The following DLAT variants were observed in gnomAD, a reference collection of about 807,000 sequenced individuals.
DLAT encodes dihydrolipoamide S-acetyltransferase, also known as dihydrolipoyllysine-residue acetyltransferase component of pyruvate dehydrogenase complex, mitochondrial.
Under a neutral mutation model 68.0 loss-of-function variants are expected in DLAT, and 43 were observed. The ratio of observed to expected loss-of-function variants is 0.63; its 90% CI spans 0.50 to 0.81. The LOEUF (loss-of-function observed/expected upper bound fraction) is 0.81, where lower values mean the gene tolerates loss of function less well. Among genes scored for constraint, DLAT ranks in the 40% least tolerant of loss-of-function variants. The probability of loss-of-function intolerance (pLI) is 0.00; values close to 1 mark genes in which losing one functional copy is unlikely to be tolerated. For missense variants in DLAT, 745 were observed against 815.4 expected, an observed-to-expected ratio of 0.91 and a Z score of 1.05; for synonymous variants, 265 against 288.6, an observed-to-expected ratio of 0.92 and a Z score of 0.83.
At chr11:112,058,788 T>C (rs1592726110) in intron 11 of DLAT, among the ~76,000 whole-genome samples, 1 of 152,256 alleles carries the variant, frequency 6.6e-6, no homozygotes, top group East Asian at 1.9e-4. Flanking sequence ...CAAAATGTTA[T>C]TTTGTTCATC....
At chr11:112,025,976 C>T (rs868949769) in intron 1 of DLAT, among the ~76,000 whole-genome samples, 5 of 152,144 alleles carry the variant, frequency 3.3e-5, no homozygotes, top group Non-Finnish European at 2.9e-5. Flanking sequence ...GAATATCTGC[C>T]GAGGTTCATG....
rs78320677 is a variant in DLAT at position 112,039,259 on chromosome 11, C to G, written c.991C>G (p.Pro331Ala). 9.3e-5 allele frequency: 150 copies of G among 1,614,034 alleles called. No homozygotes were observed. In the East Asian group the frequency reaches 3.3e-3, roughly 35 times the overall value. Residue 331 changes from proline (P) to alanine (A), a missense_variant, in exon 7 of 14, where the codon CCA becomes GCA. Coordinates refer to ENST00000280346, the MANE Select transcript of DLAT (RefSeq NM_001931.5). The part of the protein sequence containing the change: ...PTPPPVAAVP[P>A]TPQPLAPTPS... ...TTTTCAAAAGGTGGCCGCTGTTCCT[C>G]CAACTCCCCAGCCTTTAGCTCCTAC... is the stretch of plus-strand genomic sequence containing the variant.
Position 112,037,266 on chromosome 11 carries a change from A to G in DLAT, c.788-7A>G, listed in dbSNP as rs376731447. On this transcript the variant is annotated splice_region_variant and splice_polypyrimidine_tract_variant and intron_variant, in intron 5 of 13. Transcript: ENST00000280346. ...AAGTCCCATAATGTTTTTTCTTTCT[A>G]TTTAAGGTTTTGAAGTACAGGAAGA... The G allele has an allele frequency of 9.9e-6, 16 of 1,613,392 alleles. No homozygotes were observed. The highest frequency in any genetic ancestry group is 1.4e-5 in the Non-Finnish European group (16 of 1,179,496).
At chr11:112,032,149 T>C (rs1276225373) in intron 4 of DLAT, among the ~76,000 whole-genome samples, 1 of 151,830 alleles carries the variant, frequency 6.6e-6, no homozygotes, top group African/African-American at 2.4e-5. Flanking sequence ...ATCCTTGGCC[T>C]CCCAAAGTGC....
chr11:112,041,166 T>C (rs1555180993), intron 7 of DLAT, among the ~76,000 whole-genome samples: 1 of 152,232 alleles, frequency 6.6e-6, no homozygotes, highest in Non-Finnish European at 1.5e-5. Context: ...CAGCTCTTTA[T>C]ACTAGCTGTG....
intron 11 of DLAT, among the ~76,000 whole-genome samples, chr11:112,052,014 G>C (rs1163579753): frequency 1.3e-5 from 2 of 152,274 alleles, no homozygotes; most frequent in African/African-American, 4.8e-5. Context: ...CAGACTCCGT[G>C]AGTTAAGTAA....
intron 13 of DLAT, among the ~76,000 whole-genome samples, chr11:112,061,959 C>G (rs184804367): frequency 6.6e-6 from 1 of 151,966 alleles, no homozygotes; most frequent in Non-Finnish European, 1.5e-5. Flanking sequence ...ATAAAAAATA[C>G]GAAATTCTTC....
rs587621837 is a variant in DLAT at position 112,061,572 on chromosome 11, G to GT, written c.1814+406dup. 47 of 195,144 alleles carry GT rather than the reference G, an allele frequency of 2.4e-4. No homozygotes were observed. The South Asian group carries it at 2.6e-3, about 11-fold the overall frequency. 12.1% of individuals were successfully genotyped at this position (195,144 alleles called of 1,614,324 possible). ...ACCATACCTGTTTTTGAGTATCAGTGTTTTTTTTGTTTGTTTGTTTGAGAT... is the reference window on the plus strand; with the variant it reads ...ACCATACCTGTTTTTGAGTATCAGTGTTTTTTTTTGTTTGTTTGTTTGAGAT... On this transcript the variant is annotated intron_variant, in intron 13 of 13. Coordinates refer to ENST00000280346, the MANE Select transcript of DLAT (RefSeq NM_001931.5).
Position 112,051,214 on chromosome 11 carries a change from A to C in DLAT, c.1399-20A>C, listed in dbSNP as rs782538910. Reference sequence around the variant, plus strand: ...TTAAAATTAAAAAAGAAGAAACTACAGTTCTTCTTGTCTTTCCAGATATTA... The same window carrying C: ...TTAAAATTAAAAAAGAAGAAACTACCGTTCTTCTTGTCTTTCCAGATATTA... On this transcript the variant is annotated intron_variant, in intron 10 of 13. Coordinates refer to ENST00000280346, the MANE Select transcript of DLAT (RefSeq NM_001931.5). The surrounding 1 kb of genome is among the most constrained non-coding windows in gnomAD (Gnocchi z 4.3). 2.7e-6 allele frequency: 4 copies of C among 1,456,000 alleles called. No individual in the cohort carries two copies. The highest frequency in any genetic ancestry group is 3.8e-6 in the Non-Finnish European group (4 of 1,043,876). 90.2% of individuals were successfully genotyped at this position (1,456,000 alleles called of 1,614,324 possible). A position where few individuals can be genotyped will look rare whatever the true frequency, so the allele number is the denominator to read the frequency against.
intron 6 of DLAT, among the ~76,000 whole-genome samples, 191 bp from the exon 7 acceptor site, chr11:112,039,053 G>T (rs1862919537): frequency 6.6e-6 from 1 of 152,064 alleles, no homozygotes; most frequent in East Asian, 1.9e-4. Flanking sequence ...GAAGTATATT[G>T]TTCTCGCTGT....
chr11:112,056,204 G>A (rs1210315401), intron 11 of DLAT, among the ~76,000 whole-genome samples: 2 of 151,938 alleles, frequency 1.3e-5, no homozygotes, highest in Admixed American at 6.6e-5. Flanking sequence ...GCCATTTTAC[G>A]TATCATAAAA....
chr11:112,060,890 G>T, intron 12 of DLAT, 148 bp from the exon 13 acceptor site: 2 of 652,502 alleles, frequency 3.1e-6, no homozygotes, highest in South Asian at 1.9e-5. Context: ...TATTGTAATG[G>T]TTGTATATCT....
At chr11:112,057,960 AGT>A (rs1864203124) in intron 11 of DLAT, among the ~76,000 whole-genome samples, 1 of 152,234 alleles carries the variant, frequency 6.6e-6, no homozygotes, top group Non-Finnish European at 1.5e-5. Flanking sequence ...AGTAGACAAC[AGT>A]GTAGTGTTAA....
At chr11:112,055,381 C>G (rs1160775835) in intron 11 of DLAT, among the ~76,000 whole-genome samples, 1 of 151,490 alleles carries the variant, frequency 6.6e-6, no homozygotes, top group Non-Finnish European at 1.5e-5. Flanking sequence ...GTAGCTGGGA[C>G]TACAGGTGTG....
chr11:112,062,701 C>A lies in DLAT; in HGVS notation c.*166C>A, dbSNP rs1864712504. On this transcript the variant is annotated 3_prime_UTR_variant, in exon 14 of 14. Transcript: ENST00000280346. ...TGGGCATTACTGAATTTTTAAAATGCCGATTACACCCAAATATTGTGCACA... is the reference window on the plus strand; with the variant it reads ...TGGGCATTACTGAATTTTTAAAATGACGATTACACCCAAATATTGTGCACA... 3 of 738,958 alleles carry A rather than the reference C, an allele frequency of 4.1e-6. No individual in the cohort carries two copies. Among genetic ancestry groups the A allele is most frequent in the African/African-American group, 1.8e-5 (1 of 56,422 alleles). The allele number at this position is 738,958 out of a possible 1,614,324, so 45.8% of individuals were successfully genotyped here. A position where few individuals can be genotyped will look rare whatever the true frequency, so the allele number is the denominator to read the frequency against.
intron 5 of DLAT, 23 bp downstream of exon 5, chr11:112,033,553 T>C (rs1555180140): frequency 6.2e-7 from 1 of 1,612,722 alleles, no homozygotes; most frequent in South Asian, 1.1e-5. Context: ...CAGCTCTTAA[T>C]GGTTGAGGCA....
intron 5 of DLAT, among the ~76,000 whole-genome samples, chr11:112,034,099 T>C (rs1488071343): frequency 6.6e-6 from 1 of 152,214 alleles, no homozygotes; most frequent in Non-Finnish European, 1.5e-5. Flanking sequence ...TCAAAGGCAA[T>C]CAATCTGTCA....
chr11:112,045,294 C>A, intron 9 of DLAT, 64 bp downstream of exon 9: 1 of 1,332,616 alleles, frequency 7.5e-7, no homozygotes, highest in Non-Finnish European at 1.1e-6. Context: ...TTAGTTGCTT[C>A]CATAGTTTTT....
Position 112,032,794 on chromosome 11 carries a change from G to A in DLAT, c.661-610G>A, listed in dbSNP as rs1354881115. On this transcript the variant is annotated intron_variant, in intron 4 of 13. Coordinates refer to ENST00000280346, the MANE Select transcript of DLAT (RefSeq NM_001931.5). Reference sequence around the variant, plus strand: ...TTAAAAAAAAATGAAGTCTGGGCGCGGTGGCTCACGCCTGTAATCCCAGCA... The same window carrying A: ...TTAAAAAAAAATGAAGTCTGGGCGCAGTGGCTCACGCCTGTAATCCCAGCA... Among the ~76,000 whole-genome samples, 7 of 152,286 alleles carry A rather than the reference G, an allele frequency of 4.6e-5. No homozygotes were observed. The East Asian group carries it at 7.7e-4, about 17-fold the overall frequency.
Sources: allele counts gnomAD v4.1 joint callset (sites outside exome capture counted in the v4.1 genomes callset), GRCh38; gene constraint gnomAD v4.1.1; non-coding constraint Gnocchi (gnomAD v3.1); transcripts MANE v1.5; gene names NCBI Gene and HGNC (gene_info 2026-07-23, HGNC 2026-07-21).